CACNA1I: variants seen among roughly 807,000 people sequenced by gnomAD.
CACNA1I encodes voltage-dependent T-type calcium channel subunit alpha-1I.
A neutral mutation model predicts 201.6 loss-of-function variants in CACNA1I; 74 were observed. That is an observed-to-expected ratio of 0.37 (90% CI 0.30 to 0.45). The LOEUF is 0.45. Among genes scored for constraint, CACNA1I ranks in the 20% least tolerant of loss-of-function variants. The pLI, the probability that CACNA1I is intolerant of heterozygous loss-of-function variation, is 1.00. For synonymous variants in CACNA1I, 1,431 were observed against 1,345.2 expected, an observed-to-expected ratio of 1.06 and a Z score of -1.40; for missense variants, 2,346 against 3,138.1, an observed-to-expected ratio of 0.75 and a Z score of 6.03.
At position 39,679,399 on chromosome 22, in the gene CACNA1I, G is replaced by A. The variant is rs1935619000; in HGVS notation, c.5348G>A (p.Gly1783Asp). 6.8e-7 allele frequency: 1 copy of A among 1,462,630 alleles called. No homozygotes were observed. The highest frequency in any genetic ancestry group is 8.9e-7 in the Non-Finnish European group (1 of 1,118,726). The allele number at this position is 1,462,630 out of a possible 1,614,324, so 90.6% of individuals were successfully genotyped here. A position where few individuals can be genotyped will look rare whatever the true frequency, so the allele number is the denominator to read the frequency against. ...GGGCCGGGAGGGGCGGGCGGCGGGGGCGACACCGAGGGCGGCTTGTGCCGG... is the reference window on the plus strand; with the variant it reads ...GGGCCGGGAGGGGCGGGCGGCGGGGACGACACCGAGGGCGGCTTGTGCCGG... ...GRGPGGAGGG[G>D]DTEGGLCRRC... The change falls in exon 32 of 37, where the codon GGC becomes GAC. Residue 1783 changes from glycine (G) to aspartate (D), a missense_variant. Coordinates refer to ENST00000402142, the MANE Select transcript of CACNA1I (RefSeq NM_021096.4).
intron 18 of CACNA1I, 145 bp downstream of exon 18, chr22:39,663,021 A>G: frequency 1.6e-6 from 1 of 632,830 alleles, no homozygotes; most frequent in Admixed American, 2.4e-5. Context: ...TCTCCAGGGG[A>G]GAGTGCAGCC....
Position 39,600,249 on chromosome 22 carries a change from T to C in CACNA1I, c.349-271T>C, listed in dbSNP as rs117867354. On this transcript the variant is annotated intron_variant, in intron 2 of 36. Transcript: ENST00000402142. ...ACCCCACCCCCACCTGGGGCTCTTC[T>C]ATCTGTTCCCAGGCTTAGGGAACAG... Among the ~76,000 whole-genome samples the C allele has an allele frequency of 1.1e-3, 171 of 152,306 alleles. 6 individuals carry two copies. The East Asian group carries it at 0.016, about 15-fold the overall frequency.
At chr22:39,604,635 T>G (rs1337265260) in intron 3 of CACNA1I, among the ~76,000 whole-genome samples, 2 of 152,096 alleles carry the variant, frequency 1.3e-5, no homozygotes, top group Non-Finnish European at 2.9e-5. Context: ...TGGAGTGCAG[T>G]GGTGCGATCA....
At position 39,659,628 on chromosome 22, in the gene CACNA1I, C is replaced by A. The variant is rs1934936110; in HGVS notation, c.2449-69C>A. The A allele has an allele frequency of 6.2e-7, 1 of 1,603,994 alleles. No homozygotes were observed. Among genetic ancestry groups the A allele is most frequent in the Non-Finnish European group, 8.5e-7 (1 of 1,171,450 alleles). ...CCTGGGAGGGGCGGGGCTGACAACT[C>A]CCATGCCTCCTTGTAGAGCCTAGCC... On this transcript the variant is annotated intron_variant, in intron 13 of 36. Transcript: ENST00000402142. The surrounding 1 kb of genome is among the most constrained non-coding windows in gnomAD (Gnocchi z 4.3).
intron 29 of CACNA1I, 141 bp downstream of exon 29, chr22:39,674,174 C>T (rs962376405): frequency 6.4e-6 from 5 of 783,488 alleles, no homozygotes; most frequent in Middle Eastern, 2.4e-4. Flanking sequence ...CATTTTGAGC[C>T]AGGGGCTGAG....
Position 39,640,902 on chromosome 22 carries a change from C to T in CACNA1I, c.776C>T (p.Pro259Leu), listed in dbSNP as rs749689293. Residue 259 changes from proline (P) to leucine (L), a missense_variant, in exon 6 of 37, where the codon CCG becomes CTG. Pro to Leu is a moderately conservative substitution (Grantham distance 98). Coordinates refer to ENST00000402142, the MANE Select transcript of CACNA1I (RefSeq NM_021096.4). ...GDVALPPYYQ[P>L]EEDDEMPFIC... ...GTGGCCTTGCCCCCATACTACCAGC[C>T]GGAGGAGGATGATGAGATGCCCTTC... 41 of 1,613,548 alleles carry T rather than the reference C, an allele frequency of 2.5e-5. No individual in the cohort carries two copies. Among genetic ancestry groups the T allele is most frequent in the African/African-American group, 1.3e-4 (10 of 74,910 alleles).
rs552851091 is a variant in CACNA1I at position 39,673,913 on chromosome 22, C to T, written c.4784-50C>T. The T allele has an allele frequency of 5.4e-5, 85 of 1,572,830 alleles. 1 individual carries two copies. The East Asian group carries it at 6.9e-4, about 13-fold the overall frequency. On this transcript the variant is annotated intron_variant, in intron 28 of 36. Coordinates refer to ENST00000402142, the MANE Select transcript of CACNA1I (RefSeq NM_021096.4). ...ACGTGCACACATGCGTGCACACACACGTCCCCACCGGCCTGGGGCTGAGTG... is the reference window on the plus strand; with the variant it reads ...ACGTGCACACATGCGTGCACACACATGTCCCCACCGGCCTGGGGCTGAGTG...
Position 39,687,699 on chromosome 22 carries a change from A to C in CACNA1I, c.*1294A>C, listed in dbSNP as rs1396502994. 1 of 152,202 alleles carries C rather than the reference A, an allele frequency of 6.6e-6. No individual in the cohort carries two copies. Among genetic ancestry groups the C allele is most frequent in the Non-Finnish European group, 1.5e-5 (1 of 68,032 alleles). 9.4% of individuals were successfully genotyped at this position (152,202 alleles called of 1,614,324 possible). A position where few individuals can be genotyped will look rare whatever the true frequency, so the allele number is the denominator to read the frequency against. ...ACTGCAGCTCAGCTTTCACTATAGC[A>C]GTGCTTCCCAAACGGGTTCTAGACT... is the stretch of plus-strand genomic sequence containing the variant. On this transcript the variant is annotated 3_prime_UTR_variant, in exon 37 of 37. Transcript: ENST00000402142.
At chr22:39,675,146 G>T (rs1174834074) in intron 29 of CACNA1I, among the ~76,000 whole-genome samples, 1 of 152,250 alleles carries the variant, frequency 6.6e-6, no homozygotes, top group Non-Finnish European at 1.5e-5. Context: ...CCTGGGCCCT[G>T]GGCATGCGAC....
intron 10 of CACNA1I, among the ~76,000 whole-genome samples, chr22:39,655,215 G>A (rs1009051219): frequency 3.9e-5 from 6 of 152,008 alleles, no homozygotes; most frequent in South Asian, 2.1e-4. Flanking sequence ...CCTAATCAAC[G>A]CTAGCTGCCA....
intron 8 of CACNA1I, 116 bp from the exon 9 acceptor site, chr22:39,647,706 C>G (rs886531961): frequency 1.4e-6 from 1 of 734,230 alleles, no homozygotes; most frequent in Admixed American, 2.1e-5. Context: ...GAGCCACCGC[C>G]CCTGGCCAAG....
intron 4 of CACNA1I, among the ~76,000 whole-genome samples, chr22:39,627,130 C>A (rs1001880603): frequency 1.3e-5 from 2 of 152,194 alleles, no homozygotes; most frequent in African/African-American, 4.8e-5. Flanking sequence ...CACCCACTCC[C>A]GTCCCCAGTG....
At chr22:39,596,081 G>T (rs2145822239) in intron 1 of CACNA1I, among the ~76,000 whole-genome samples, 1 of 140,764 alleles carries the variant, frequency 7.1e-6, no homozygotes, top group East Asian at 2.1e-4. Context: ...CTCACTGTGT[G>T]TCTGAGGAGC....
chr22:39,616,247 G>A (rs1366449956), intron 3 of CACNA1I, among the ~76,000 whole-genome samples: 3 of 152,188 alleles, frequency 2.0e-5, no homozygotes, highest in East Asian at 3.8e-4. Context: ...AGATGGGGGC[G>A]GATGGCGGGG....
In CACNA1I at chr22:39,677,278, C is replaced by CA. The variant is rs1038578873; in HGVS notation, c.4855-63_4855-62insA. The CA allele has an allele frequency of 1.7e-6, 2 of 1,168,688 alleles. No homozygotes were observed. Among genetic ancestry groups the CA allele is most frequent in the African/African-American group, 1.5e-5 (1 of 65,954 alleles). 72.4% of individuals were successfully genotyped at this position (1,168,688 alleles called of 1,614,324 possible). A position where few individuals can be genotyped will look rare whatever the true frequency, so the allele number is the denominator to read the frequency against. On this transcript the variant is annotated intron_variant, in intron 29 of 36. Coordinates refer to ENST00000402142, the MANE Select transcript of CACNA1I (RefSeq NM_021096.4). The surrounding 1 kb of genome is among the most constrained non-coding windows in gnomAD (Gnocchi z 4.8). ...CCCCACTGCCCCAGCCTCCACCCTT[C>CA]CCAGGCCTGGTGCGCCCCCACCCGC...
chr22:39,642,931 C>G, intron 7 of CACNA1I, 42 bp downstream of exon 7: 1 of 1,392,164 alleles, frequency 7.2e-7, no homozygotes, highest in Non-Finnish European at 1.0e-6. Flanking sequence ...TGCTCAGAAC[C>G]CATGGACCAG....
chr22:39,598,949 T>TTTG (rs1932958896), intron 2 of CACNA1I, among the ~76,000 whole-genome samples: 1 of 128,182 alleles, frequency 7.8e-6, no homozygotes, highest in Admixed American at 7.7e-5. Context: ...GGGTTTTTTT[T>TTTG]TTTTTTTTTT....
rs548042360 is a variant in CACNA1I at position 39,584,503 on chromosome 22, A to G, written c.236+13515A>G. 7.7e-4 allele frequency among the ~76,000 whole-genome samples: 117 copies of G among 152,260 alleles called. 2 individuals carry two copies. In the South Asian group the frequency reaches 0.023, roughly 31 times the overall value. On this transcript the variant is annotated intron_variant, in intron 1 of 36. Transcript: ENST00000402142. ...GGACAGACTTGGGACCTGCTCAGCC[A>G]TAGTCATTTAGGCTGTGGAAGTGGA...
Position 39,686,054 on chromosome 22 carries a change from C to T in CACNA1I, c.6321C>T (p.Asp2107=), listed in dbSNP as rs1160351492. The change falls in exon 37 of 37, where the codon GAC becomes GAT. Residue 2107 remains aspartate, a synonymous_variant. Transcript: ENST00000402142. ...CTHHDSMDPS[D]EEGRGGAGGG... is the part of the protein sequence containing the mutation. The stretch of plus-strand genomic sequence containing the variant: ...ACCACGACTCCATGGACCCCTCGGA[C>T]GAGGAGGGCCGCGGTGGCGCGGGCG... 6 of 1,234,632 alleles carry T rather than the reference C, an allele frequency of 4.9e-6. No homozygotes were observed. In the South Asian group the frequency reaches 1.1e-4, roughly 23 times the overall value. The allele number at this position is 1,234,632 out of a possible 1,614,324, so 76.5% of individuals were successfully genotyped here.
Sources: gnomAD v4.1 joint callset for allele counts (sites outside exome capture counted in the v4.1 genomes callset) on GRCh38, gnomAD v4.1.1 for gene constraint, Gnocchi (gnomAD v3.1) non-coding constraint, MANE v1.5 for transcripts, NCBI Gene and HGNC (gene_info 2026-07-23, HGNC 2026-07-21) for gene names.